Variants in PRIMA1 observed in about 807,000 individuals in gnomAD.
PRIMA1 encodes proline-rich membrane anchor 1.
PRIMA1 carries 7 observed loss-of-function variants against 17.5 expected under a neutral mutation model. That is an observed-to-expected ratio of 0.40 (90% confidence interval 0.23 to 0.75). PRIMA1 has a LOEUF of 0.75. Among genes scored for constraint, PRIMA1 ranks in the 30% least tolerant of loss-of-function variants. PRIMA1 has a pLI of 0.37. For synonymous variants in PRIMA1, 97 were observed against 77.9 expected, an observed-to-expected ratio of 1.25 and a Z score of -1.29; for missense variants, 200 against 201.8, an observed-to-expected ratio of 0.99 and a Z score of 0.05.
intron 3 of PRIMA1, among the ~76,000 whole-genome samples, chr14:93,759,671 C>T (rs1265546867): frequency 6.6e-6 from 1 of 152,126 alleles, no homozygotes; most frequent in South Asian, 2.1e-4. Context: ...TGTTCCAGGA[C>T]GCTTTGCATT....
At chr14:93,781,989 C>A (rs575000849) in intron 2 of PRIMA1, among the ~76,000 whole-genome samples, 2 of 135,496 alleles carry the variant, frequency 1.5e-5, no homozygotes, top group Non-Finnish European at 3.1e-5. Flanking sequence ...AGAATAAGGC[C>A]GGGCGCAGTG....
chr14:93,775,092 G>A (rs1293558143), intron 3 of PRIMA1, among the ~76,000 whole-genome samples: 1 of 152,230 alleles, frequency 6.6e-6, no homozygotes, highest in Non-Finnish European at 1.5e-5. Context: ...GATGCCCAAC[G>A]CAGGGTTGGA....
chr14:93,763,404 T>C (rs1374778204), intron 3 of PRIMA1, among the ~76,000 whole-genome samples: 1 of 152,188 alleles, frequency 6.6e-6, no homozygotes, highest in Non-Finnish European at 1.5e-5. Context: ...CAGCTCACCC[T>C]TCTGAGGCTG....
At chr14:93,745,513 G>A (rs1595201380) in intron 3 of PRIMA1, among the ~76,000 whole-genome samples, 2 of 152,334 alleles carry the variant, frequency 1.3e-5, no homozygotes, top group East Asian at 3.9e-4. Context: ...GGCCCCCTGT[G>A]CTGGAGGCAT....
At chr14:93,773,674 G>A (rs8013763) in intron 3 of PRIMA1, among the ~76,000 whole-genome samples, 58,686 of 152,092 alleles carry the variant, frequency 0.39, 11,552 homozygotes, top group Middle Eastern at 0.54. Flanking sequence ...TCTTTCTCCA[G>A]TGGCAGGCAG....
At chr14:93,722,893 C>T (rs2076051606) in intron 4 of PRIMA1, among the ~76,000 whole-genome samples, 1 of 136,600 alleles carries the variant, frequency 7.3e-6, no homozygotes, top group South Asian at 2.4e-4. Flanking sequence ...GGTTCCTGAA[C>T]ACTTTAAACT....
chr14:93,762,598 C>T (rs900375540), intron 3 of PRIMA1, among the ~76,000 whole-genome samples: 4 of 152,090 alleles, frequency 2.6e-5, no homozygotes, highest in Non-Finnish European at 5.9e-5. Flanking sequence ...GTGGCTGTCA[C>T]CTGTCCCCCA....
chr14:93,739,425 G>T (rs1452722789), intron 3 of PRIMA1, among the ~76,000 whole-genome samples: 1 of 152,128 alleles, frequency 6.6e-6, no homozygotes, highest in Admixed American at 6.5e-5. Context: ...GAATAGAACT[G>T]CTATAAGCAT....
rs562976248 is a variant in PRIMA1, at chr14:93,721,252, C to T, written c.*192G>A. 1.4e-4 allele frequency: 79 copies of T among 564,108 alleles called. No individual in the cohort carries two copies. In the Admixed American group the frequency reaches 1.6e-3, roughly 11 times the overall value. 34.9% of individuals were successfully genotyped at this position (564,108 alleles called of 1,614,324 possible). On this transcript the variant is annotated 3_prime_UTR_variant, in exon 5 of 5. Transcript: ENST00000393140. ...GCTGCGCCGGGCTCAGCCTGGTGTCCGAGCTGCCTGGGCCCGCAGGCTGAC... is the reference window on the plus strand; with the variant it reads ...GCTGCGCCGGGCTCAGCCTGGTGTCTGAGCTGCCTGGGCCCGCAGGCTGAC...
At chr14:93,775,540 C>T (rs1885190795) in intron 3 of PRIMA1, among the ~76,000 whole-genome samples, 1 of 152,140 alleles carries the variant, frequency 6.6e-6, no homozygotes, top group South Asian at 2.1e-4. Context: ...CTCTTATTGC[C>T]CAGGCTGGAG....
At chr14:93,745,778 A>C (rs1242021164) in intron 3 of PRIMA1, among the ~76,000 whole-genome samples, 1 of 152,242 alleles carries the variant, frequency 6.6e-6, no homozygotes, top group Admixed American at 6.5e-5. Context: ...CCAGTTCAGC[A>C]CAGTGGTTAT....
chr14:93,786,860 T>C (rs542434227), intron 2 of PRIMA1, among the ~76,000 whole-genome samples: 3 of 152,322 alleles, frequency 2.0e-5, no homozygotes, highest in Non-Finnish European at 4.4e-5. Context: ...ATCAAGTACT[T>C]ACAATAGTAC....
chr14:93,743,813 C>T (rs1444070011), intron 3 of PRIMA1, among the ~76,000 whole-genome samples: 1 of 152,224 alleles, frequency 6.6e-6, no homozygotes, highest in Non-Finnish European at 1.5e-5. Flanking sequence ...CCCTTTGGCA[C>T]CACTCCCTCC....
chr14:93,744,471 C>T (rs933459114), intron 3 of PRIMA1, among the ~76,000 whole-genome samples: 8 of 152,202 alleles, frequency 5.3e-5, no homozygotes, highest in African/African-American at 7.2e-5. Context: ...AGCCTGGGTG[C>T]GGGGCTGCTC....
chr14:93,757,011 A>G (rs1048896876), intron 3 of PRIMA1, among the ~76,000 whole-genome samples: 1 of 152,190 alleles, frequency 6.6e-6, no homozygotes, highest in Non-Finnish European at 1.5e-5. Flanking sequence ...CTTACCAGAG[A>G]TAGAAGAAAA....
chr14:93,746,215 T>C (rs1286380790), intron 3 of PRIMA1, among the ~76,000 whole-genome samples: 1 of 152,028 alleles, frequency 6.6e-6, no homozygotes, highest in Non-Finnish European at 1.5e-5. Context: ...CTCCTGGGAA[T>C]GGTTTCCCAG....
At position 93,787,609 on chromosome 14, in the gene PRIMA1, C is replaced by T; in HGVS notation, c.93+17G>A. On this transcript the variant is annotated intron_variant, in intron 2 of 4. Coordinates refer to ENST00000393140, the MANE Select transcript of PRIMA1 (RefSeq NM_178013.4). ...CCAGGAGGCCCTCCCAGCCAGTGCG[C>T]AGCCGGCGCGTCTCACCTGCACGAA... The T allele has an allele frequency of 1.9e-6, 3 of 1,539,726 alleles. No homozygotes were observed. The highest frequency in any genetic ancestry group is 2.4e-5 in the South Asian group (2 of 84,048).
intron 4 of PRIMA1, among the ~76,000 whole-genome samples, chr14:93,728,702 AG>A (rs2076095245): frequency 6.6e-6 from 1 of 152,178 alleles, no homozygotes; most frequent in Admixed American, 6.5e-5. Flanking sequence ...AAAGGCCCCA[AG>A]AAGCAGGGAT....
chr14:93,763,758 C>T (rs1430068413), intron 3 of PRIMA1, among the ~76,000 whole-genome samples: 1 of 152,136 alleles, frequency 6.6e-6, no homozygotes, highest in Non-Finnish European at 1.5e-5. Flanking sequence ...CTCCTTCCCT[C>T]TGGTCCTCTG....
Sources: gnomAD v4.1 joint callset for allele counts (sites outside exome capture counted in the v4.1 genomes callset) on GRCh38, gnomAD v4.1.1 for gene constraint, MANE v1.5 for transcripts, NCBI Gene and HGNC (gene_info 2026-07-23, HGNC 2026-07-21) for gene names.